Variants in TTC33 observed in about 807,000 individuals in gnomAD.
TTC33 encodes tetratricopeptide repeat protein 33.
TTC33 carries 24 observed loss-of-function variants against 29.4 expected under a neutral mutation model. That is an observed-to-expected ratio of 0.82 (90% CI 0.59 to 1.15). The LOEUF is 1.15. Among genes scored for constraint, TTC33 ranks in the 50% most tolerant of loss-of-function variants. The probability of loss-of-function intolerance (pLI) is 0.00; values close to 1 mark genes in which losing one functional copy is unlikely to be tolerated. For missense variants in TTC33, 286 were observed against 310.4 expected (o/e 0.92, Z 0.59); for synonymous variants, 107 against 100.3 (o/e 1.07, Z -0.40).
rs1295805172 is a variant in TTC33, at chr5:40,716,477, C to A, written c.457G>T (p.Ala153Ser). The part of the protein sequence containing the change: ...IILAIRSFQV[A>S]LHIYPMNPEI... ...GGGTTCATTGGATAGATGTGAAGGG[C>A]TACTTGAAAACTTCGAATTGCCTAG... Residue 153 changes from alanine to serine, a missense_variant, in exon 5 of 5, where the codon GCC (alanine) becomes TCC (serine). Transcript: ENST00000337702. The A allele has an allele frequency of 1.3e-6, 2 of 1,590,932 alleles. No homozygotes were observed. The highest frequency in any genetic ancestry group is 4.5e-5 in the East Asian group (2 of 44,670).
At chr5:40,753,416 A>G (rs990583783) in intron 1 of TTC33, among the ~76,000 whole-genome samples, 44 of 152,108 alleles carry the variant, frequency 2.9e-4, no homozygotes, top group African/African-American at 1.4e-4. Context: ...GGCTGATAAT[A>G]TAAGTGAACC....
At chr5:40,728,099 T>C (rs954646853) in intron 4 of TTC33, among the ~76,000 whole-genome samples, 1 of 151,742 alleles carries the variant, frequency 6.6e-6, no homozygotes, top group African/African-American at 2.4e-5. Flanking sequence ...CTGACTAACA[T>C]GGTGACACCC....
chr5:40,748,639 G>A (rs1166485874), intron 1 of TTC33, among the ~76,000 whole-genome samples: 1 of 152,186 alleles, frequency 6.6e-6, no homozygotes, highest in Non-Finnish European at 1.5e-5. Flanking sequence ...AATCAGTGGA[G>A]GTTGGGAGTG....
At chr5:40,742,970 G>A (rs757849251) in intron 2 of TTC33, among the ~76,000 whole-genome samples, 1 of 152,148 alleles carries the variant, frequency 6.6e-6, no homozygotes, top group Non-Finnish European at 1.5e-5. Context: ...CCTAGTAAGT[G>A]CCACAAATTA....
chr5:40,730,230 A>G (rs1385823976), intron 3 of TTC33, 32 bp downstream of exon 3: 3 of 1,547,016 alleles, frequency 1.9e-6, no homozygotes, highest in Non-Finnish European at 2.7e-6. Flanking sequence ...GCACAATTTC[A>G]TAAGGAAAGT....
At chr5:40,746,379 A>G (rs1167110704) in intron 2 of TTC33, among the ~76,000 whole-genome samples, 5 of 152,124 alleles carry the variant, frequency 3.3e-5, no homozygotes, top group African/African-American at 1.2e-4. Flanking sequence ...ATAACTAAAT[A>G]CCTATTTTTT....
At chr5:40,749,717 T>C (rs1742858996) in intron 1 of TTC33, among the ~76,000 whole-genome samples, 1 of 152,236 alleles carries the variant, frequency 6.6e-6, no homozygotes, top group South Asian at 2.1e-4. Flanking sequence ...ACAAATGCTT[T>C]GGTCTCCCTA....
chr5:40,747,115 A>C (rs999031431), intron 1 of TTC33, 96 bp from the exon 2 acceptor site: 2 of 1,097,916 alleles, frequency 1.8e-6, no homozygotes, highest in East Asian at 5.0e-5. Flanking sequence ...CTGGAGTACG[A>C]TGGCACGACC....
intron 2 of TTC33, among the ~76,000 whole-genome samples, chr5:40,741,903 C>T (rs1259818099): frequency 6.6e-6 from 1 of 152,026 alleles, no homozygotes; most frequent in African/African-American, 2.4e-5. Flanking sequence ...GCAGGAGAAC[C>T]GCTTGAGCCT....
At chr5:40,738,444 A>AAATACAATAC (rs140651944) in intron 2 of TTC33, among the ~76,000 whole-genome samples, 1,522 of 83,690 alleles carry the variant, frequency 0.018, 49 homozygotes, top group Middle Eastern at 0.03. Context: ...ATATAAAATA[A>AAATACAATAC]AATACAATAC....
intron 4 of TTC33, among the ~76,000 whole-genome samples, chr5:40,725,555 GAGCCCGAAGAAGGGAAGCCACAA>G (rs1742260639): frequency 6.6e-6 from 1 of 152,138 alleles, no homozygotes; most frequent in Non-Finnish European, 1.5e-5. Context: ...GAATTACACA[GAGCCCGAAGAAGGGAAGCCACAA>G]AGCTAGTTCC....
intron 2 of TTC33, among the ~76,000 whole-genome samples, chr5:40,734,345 G>T (rs978578285): frequency 3.2e-5 from 4 of 125,846 alleles, no homozygotes; most frequent in Admixed American, 7.8e-5. Flanking sequence ...CAGCCCTACT[G>T]CAGCTGTTGG....
At chr5:40,722,972 C>G (rs1644962) in intron 4 of TTC33, among the ~76,000 whole-genome samples, 101,300 of 152,046 alleles carry the variant, frequency 0.67, 33,917 homozygotes, top group East Asian at 0.8. Context: ...GCCATGATGA[C>G]GATGGCGGTT....
At chr5:40,722,550 T>A (rs1301387066) in intron 4 of TTC33, among the ~76,000 whole-genome samples, 2 of 145,580 alleles carry the variant, frequency 1.4e-5, no homozygotes, top group South Asian at 4.5e-4. Flanking sequence ...CGCCTCTGCC[T>A]GGCCGCGACC....
At chr5:40,727,892 G>A (rs1362069396) in intron 4 of TTC33, among the ~76,000 whole-genome samples, 1 of 152,094 alleles carries the variant, frequency 6.6e-6, no homozygotes, top group Non-Finnish European at 1.5e-5. Flanking sequence ...TGTGAACTGT[G>A]TTTATGGATT....
chr5:40,728,321 A>C, intron 4 of TTC33, 24 bp downstream of exon 4: 1 of 1,482,208 alleles, frequency 6.7e-7, no homozygotes, highest in South Asian at 1.3e-5. Flanking sequence ...AAATTTCTGC[A>C]TTATAATAAT....
intron 4 of TTC33, among the ~76,000 whole-genome samples, chr5:40,718,442 G>A (rs976509254): frequency 4.6e-5 from 7 of 150,898 alleles, no homozygotes; most frequent in African/African-American, 1.7e-4. Context: ...ACAGAGATAG[G>A]TATATAAAGC....
intron 1 of TTC33, among the ~76,000 whole-genome samples, chr5:40,754,955 G>A (rs996877373): frequency 7.9e-5 from 12 of 152,260 alleles, no homozygotes; most frequent in African/African-American, 2.2e-4. Context: ...TTAGAAGCAC[G>A]AGGCTTCAAC....
At chr5:40,716,550 T>A in intron 4 of TTC33, 52 bp from the exon 5 acceptor site, 1 of 1,203,616 alleles carries the variant, frequency 8.3e-7, no homozygotes, top group Non-Finnish European at 1.2e-6. Flanking sequence ...TTAGTATGTT[T>A]AATACAATCC....
Sources: gnomAD v4.1 joint callset for allele counts (sites outside exome capture counted in the v4.1 genomes callset) on GRCh38, gnomAD v4.1.1 for gene constraint, MANE v1.5 for transcripts, NCBI Gene and HGNC (gene_info 2026-07-23, HGNC 2026-07-21) for gene names.